PGM2: variants seen among roughly 807,000 people sequenced by gnomAD.
The protein encoded by PGM2 is phosphoglucomutase 2.
PGM2 carries 57 observed loss-of-function variants against 74.6 expected under a neutral mutation model. That is an observed-to-expected ratio of 0.76 (90% CI 0.62 to 0.95). The LOEUF is 0.95. PGM2 is among the 40% of genes least tolerant of loss of function. PGM2 has a pLI of 0.00. For missense variants in PGM2, 706 were observed against 741.9 expected, an observed-to-expected ratio of 0.95 and a Z score of 0.56; for synonymous variants, 273 against 260.7, an observed-to-expected ratio of 1.05 and a Z score of -0.46.
intron 3 of PGM2, 106 bp downstream of exon 3, chr4:37,834,830 C>T (rs1456535791): frequency 3.8e-6 from 2 of 524,594 alleles, no homozygotes; most frequent in Non-Finnish European, 3.4e-6. Flanking sequence ...AGCCTCATTG[C>T]TTAACTGTAA....
At chr4:37,861,160 A>G (rs1361658588) in intron 13 of PGM2, among the ~76,000 whole-genome samples, 2 of 152,160 alleles carry the variant, frequency 1.3e-5, no homozygotes, top group Non-Finnish European at 2.9e-5. Context: ...GGCAACTGAC[A>G]TGAAAGCTTT....
chr4:37,850,307 A>G lies in PGM2; in HGVS notation c.1536A>G (p.Lys512=), dbSNP rs141825123. The change falls in exon 12 of 14, where the codon AAA becomes AAG. Residue 512 remains lysine (K), a synonymous_variant. Transcript: ENST00000381967. ...GKNNYPKACG[K]FEISAIRDLT... ...ATAATTATCCAAAAGCTTGTGGCAAATTTGAAATTTCTGCCATTAGGGACC... is the reference window on the plus strand; with the variant it reads ...ATAATTATCCAAAAGCTTGTGGCAAGTTTGAAATTTCTGCCATTAGGGACC... 79 of 1,591,818 alleles carry G rather than the reference A, an allele frequency of 5.0e-5. No individual in the cohort carries two copies. Among genetic ancestry groups the G allele is most frequent in the Non-Finnish European group, 6.2e-5 (73 of 1,173,926 alleles).
At chr4:37,844,322 G>A (rs1047452324) in intron 6 of PGM2, 42 bp from the exon 7 acceptor site, 3 of 1,358,618 alleles carry the variant, frequency 2.2e-6, no homozygotes, top group Non-Finnish European at 3.1e-6. Flanking sequence ...TGAGAGCCCT[G>A]TTTCTGCCTT....
chr4:37,850,064 A>G (rs1380423419), intron 11 of PGM2, 120 bp from the exon 12 acceptor site: 5 of 592,466 alleles, frequency 8.4e-6, no homozygotes, highest in Non-Finnish European at 1.4e-5. Context: ...CTGGGATTAC[A>G]GGCGTGACCC....
At chr4:37,830,491 A>G (rs1003019611) in intron 2 of PGM2, among the ~76,000 whole-genome samples, 9 of 152,220 alleles carry the variant, frequency 5.9e-5, no homozygotes, top group Non-Finnish European at 7.4e-5. Context: ...AATTTTTGCC[A>G]TGATTACATA....
intron 13 of PGM2, among the ~76,000 whole-genome samples, chr4:37,856,289 G>A (rs993397229): frequency 5.3e-5 from 8 of 152,142 alleles, no homozygotes; most frequent in Non-Finnish European, 8.8e-5. Flanking sequence ...GGAGGCTGAG[G>A]CAGGAGAATG....
chr4:37,856,583 A>G (rs1726206442), intron 13 of PGM2, among the ~76,000 whole-genome samples: 1 of 152,056 alleles, frequency 6.6e-6, no homozygotes, highest in South Asian at 2.1e-4. Context: ...AAAGTGTTTG[A>G]GTTGGTCACT....
At position 37,845,746 on chromosome 4, in the gene PGM2, A is replaced by AT. The variant is rs1390922601; in HGVS notation, c.1007+18dup. 6 of 1,402,980 alleles carry AT rather than the reference A, an allele frequency of 4.3e-6. No homozygotes were observed. In the East Asian group the frequency reaches 1.4e-4, roughly 32 times the overall value. 86.9% of individuals were successfully genotyped at this position (1,402,980 alleles called of 1,614,324 possible). The stretch of plus-strand genomic sequence containing the variant: ...AGCAAGACAGGTAAAATTAATTGTG[A>AT]TTACCTATATTATAGAACATATAAA... On this transcript the variant is annotated intron_variant, in intron 8 of 13. Transcript: ENST00000381967.
chr4:37,829,824 G>T (rs974110797), intron 1 of PGM2, 140 bp from the exon 2 acceptor site: 1 of 272,366 alleles, frequency 3.7e-6, no homozygotes. Context: ...GATTTCAAAA[G>T]CATCAGAAAA....
chr4:37,846,897 A>T (rs747988518), intron 8 of PGM2, 34 bp from the exon 9 acceptor site: 9 of 1,542,944 alleles, frequency 5.8e-6, no homozygotes, highest in Non-Finnish European at 7.9e-6. Context: ...GATTATGGAA[A>T]TGAATGGTGG....
At chr4:37,841,098 ATATG>A (rs1310132815) in intron 6 of PGM2, among the ~76,000 whole-genome samples, 4 of 114,836 alleles carry the variant, frequency 3.5e-5, no homozygotes, top group Non-Finnish European at 5.3e-5. Flanking sequence ...ATATATATAT[ATATG>A]TGTGTGTGTG....
chr4:37,843,153 C>T (rs749878174), intron 6 of PGM2, among the ~76,000 whole-genome samples: 1 of 152,208 alleles, frequency 6.6e-6, no homozygotes. Flanking sequence ...AGCATTATTA[C>T]TTCTGTGTTC....
At position 37,848,602 on chromosome 4, in the gene PGM2, G is replaced by A. The variant is rs1302239017; in HGVS notation, c.1363G>A (p.Ala455Thr). Residue 455 changes from alanine to threonine, a missense_variant, in exon 11 of 14, where the codon GCA (alanine) becomes ACA (threonine). This residue lies in a region of PGM2 where 359 missense variants were observed against 371.1 expected (regional missense o/e 0.97). Transcript: ENST00000381967. ...AAGTGCAGAGTTGGCTAGCTTCCTA[G>A]CAACCAAGAATTTGTCTTTGTCTCA... ...VISAELASFL[A>T]TKNLSLSQQL... 1.2e-6 allele frequency: 2 copies of A among 1,613,874 alleles called. No homozygotes were observed. Among genetic ancestry groups the A allele is most frequent in the Non-Finnish European group, 1.7e-6 (2 of 1,179,752 alleles).
chr4:37,841,817 AGTAT>A (rs987467093), intron 6 of PGM2, among the ~76,000 whole-genome samples: 4 of 152,044 alleles, frequency 2.6e-5, no homozygotes, highest in Admixed American at 6.6e-5. Flanking sequence ...CAGTTGCTTG[AGTAT>A]GTGTGTGGGT....
At chr4:37,856,902 AT>A (rs1560422016) in intron 13 of PGM2, among the ~76,000 whole-genome samples, 1 of 152,190 alleles carries the variant, frequency 6.6e-6, no homozygotes, top group African/African-American at 2.4e-5. Context: ...TTATTACAAC[AT>A]ATAATCAGTA....
chr4:37,828,912 A>G (rs1725365894), intron 1 of PGM2, among the ~76,000 whole-genome samples: 1 of 152,198 alleles, frequency 6.6e-6, no homozygotes, highest in East Asian at 1.9e-4. Context: ...ACCAAAAAAG[A>G]TGGGGTTTAC....
At chr4:37,844,789 A>G (rs1317915544) in intron 7 of PGM2, among the ~76,000 whole-genome samples, 3 of 152,082 alleles carry the variant, frequency 2.0e-5, no homozygotes, top group Non-Finnish European at 4.4e-5. Context: ...CCAACATGGC[A>G]AAACCCTGTC....
At chr4:37,847,154 C>T (rs1191740449) in intron 9 of PGM2, 43 bp downstream of exon 9, 3 of 1,593,558 alleles carry the variant, frequency 1.9e-6, no homozygotes, top group Non-Finnish European at 2.6e-6. Context: ...TTCATCTGCT[C>T]TGTAGAAGAT....
chr4:37,839,238 C>T (rs888094157), intron 4 of PGM2, among the ~76,000 whole-genome samples: 1 of 151,460 alleles, frequency 6.6e-6, no homozygotes, highest in African/African-American at 2.4e-5. Context: ...TCTGCCTCAG[C>T]CTCCCAAGTA....
Sources: gnomAD v4.1 joint callset for allele counts (sites outside exome capture counted in the v4.1 genomes callset) on GRCh38, gnomAD v4.1.1 for gene constraint, gnomAD v4.1.1 regional missense constraint, MANE v1.5 for transcripts, NCBI Gene and HGNC (gene_info 2026-07-23, HGNC 2026-07-21) for gene names.